TNKS: variants seen among roughly 807,000 people sequenced by gnomAD.
TNKS encodes the protein poly [ADP-ribose] polymerase tankyrase-1.
A neutral mutation model predicts 135.8 loss-of-function variants in TNKS; 72 were observed. That is an observed-to-expected ratio of 0.53 (90% CI 0.44 to 0.64). The LOEUF (loss-of-function observed/expected upper bound fraction) is 0.64. Among genes scored for constraint, TNKS ranks in the 30% least tolerant of loss-of-function variants. The pLI, the probability that TNKS is intolerant of heterozygous loss-of-function variation, is 0.00. For missense variants in TNKS, 1,769 were observed against 1,674.0 expected, an observed-to-expected ratio of 1.06 and a Z score of -0.99; for synonymous variants, 849 against 649.3, an observed-to-expected ratio of 1.31 and a Z score of -4.68.
chr8:9,729,221 C>A (rs1805304082), intron 13 of TNKS, among the ~76,000 whole-genome samples: 1 of 152,196 alleles, frequency 6.6e-6, no homozygotes, highest in Non-Finnish European at 1.5e-5. Context: ...GTCCGCATGA[C>A]CCAGTCACCT....
intron 3 of TNKS, among the ~76,000 whole-genome samples, chr8:9,672,675 A>AAAAAAAAAAACACAC (rs1802337090): frequency 8.2e-6 from 1 of 121,644 alleles, no homozygotes; most frequent in Admixed American, 9.0e-5. Context: ...AAAAAAAAAA[A>AAAAAAAAAAACACAC]ACACATACAC....
intron 9 of TNKS, among the ~76,000 whole-genome samples, chr8:9,708,761 G>C (rs1286184758): frequency 6.6e-6 from 1 of 151,920 alleles, no homozygotes; most frequent in Non-Finnish European, 1.5e-5. Flanking sequence ...TTTGTGGCCA[G>C]TGCTTTCATA....
intron 2 of TNKS, among the ~76,000 whole-genome samples, chr8:9,582,060 A>G (rs541258346): frequency 6.6e-6 from 1 of 152,346 alleles, no homozygotes; most frequent in Non-Finnish European, 1.5e-5. Context: ...TACTCAAAAT[A>G]TAAATGAGGA....
intron 1 of TNKS, among the ~76,000 whole-genome samples, chr8:9,578,741 G>C (rs1288642529): frequency 1.3e-5 from 2 of 151,968 alleles, no homozygotes; most frequent in Non-Finnish European, 2.9e-5. Context: ...TTTTATTTAA[G>C]ATGCCATTTT....
chr8:9,727,651 T>C lies in TNKS; in HGVS notation c.2001+931T>C, dbSNP rs534310730. 5.9e-5 allele frequency among the ~76,000 whole-genome samples: 9 copies of C among 152,374 alleles called. No individual in the cohort carries two copies. The South Asian group carries it at 1.9e-3, about 32-fold the overall frequency. ...ACTCAGTACTTTTTACGACATACTG[T>C]CAACTTTGTCACCTCTTCTTAAGCA... On this transcript the variant is annotated intron_variant, in intron 13 of 26. Coordinates refer to ENST00000310430, the MANE Select transcript of TNKS (RefSeq NM_003747.3).
chr8:9,726,527 T>C, intron 12 of TNKS, 114 bp from the exon 13 acceptor site: 1 of 674,480 alleles, frequency 1.5e-6, no homozygotes, highest in South Asian at 3.0e-5. Context: ...TAAATAATTT[T>C]TCCTCCTGAA....
At chr8:9,723,303 G>A (rs1055271504) in intron 12 of TNKS, among the ~76,000 whole-genome samples, 1 of 151,888 alleles carries the variant, frequency 6.6e-6, no homozygotes, top group African/African-American at 2.4e-5. Flanking sequence ...CCAATATCAG[G>A]TTATATCTAT....
chr8:9,645,990 C>CT (rs1055014780), intron 3 of TNKS, among the ~76,000 whole-genome samples: 3 of 152,160 alleles, frequency 2.0e-5, no homozygotes, highest in African/African-American at 7.2e-5. Context: ...ACCCTCAACC[C>CT]TTCTCAGTTC....
intron 2 of TNKS, among the ~76,000 whole-genome samples, chr8:9,604,624 T>G (rs886547160): frequency 1.3e-5 from 2 of 151,888 alleles, no homozygotes; most frequent in Non-Finnish European, 2.9e-5. Flanking sequence ...GTTCCTAATT[T>G]ATGTGTGAAA....
intron 26 of TNKS, among the ~76,000 whole-genome samples, chr8:9,773,199 A>G (rs1319860639): frequency 6.6e-6 from 1 of 152,158 alleles, no homozygotes; most frequent in Non-Finnish European, 1.5e-5. Context: ...ACAAACACAC[A>G]CTATATACAT....
At chr8:9,577,139 G>T (rs533648376) in intron 1 of TNKS, among the ~76,000 whole-genome samples, 4 of 143,990 alleles carry the variant, frequency 2.8e-5, no homozygotes, top group African/African-American at 1.0e-4. Flanking sequence ...TCTTTGTAAA[G>T]CTTTTAAATG....
chr8:9,610,153 G>A (rs866171339), intron 2 of TNKS, among the ~76,000 whole-genome samples: 38 of 147,478 alleles, frequency 2.6e-4, no homozygotes, highest in African/African-American at 7.9e-4. Flanking sequence ...TACTGCGCCC[G>A]GCCTTGAATT....
At chr8:9,708,760 A>G (rs2128808759) in intron 9 of TNKS, among the ~76,000 whole-genome samples, 1 of 152,202 alleles carries the variant, frequency 6.6e-6, no homozygotes, top group Admixed American at 6.5e-5. Flanking sequence ...TTTTGTGGCC[A>G]GTGCTTTCAT....
At chr8:9,655,337 G>A (rs186997261) in intron 3 of TNKS, among the ~76,000 whole-genome samples, 1 of 152,310 alleles carries the variant, frequency 6.6e-6, no homozygotes, top group Admixed American at 6.5e-5. Context: ...ACAAACAAAA[G>A]GCAGCAGAAA....
At chr8:9,633,321 G>A (rs1192953406) in intron 3 of TNKS, among the ~76,000 whole-genome samples, 3 of 152,138 alleles carry the variant, frequency 2.0e-5, no homozygotes, top group African/African-American at 7.2e-5. Context: ...CTGCCTAAGT[G>A]CCCAAATATA....
chr8:9,710,728 C>G (rs1057338552), intron 11 of TNKS, among the ~76,000 whole-genome samples: 3 of 152,118 alleles, frequency 2.0e-5, no homozygotes, highest in Admixed American at 6.5e-5. Context: ...AACCCCGTCT[C>G]TACTAAAAAT....
intron 17 of TNKS, among the ~76,000 whole-genome samples, chr8:9,744,720 T>A (rs1806148314): frequency 6.6e-6 from 1 of 152,228 alleles, no homozygotes; most frequent in South Asian, 2.1e-4. Flanking sequence ...AAATTCCAGT[T>A]ACTATTTTTG....
intron 2 of TNKS, among the ~76,000 whole-genome samples, chr8:9,585,510 A>G (rs1210623865): frequency 6.6e-6 from 1 of 152,234 alleles, no homozygotes; most frequent in Admixed American, 6.5e-5. Flanking sequence ...TTTTCCAGAA[A>G]GAAGGAATAA....
At chr8:9,610,548 G>C (rs1307829396) in intron 2 of TNKS, among the ~76,000 whole-genome samples, 1 of 152,022 alleles carries the variant, frequency 6.6e-6, no homozygotes, top group African/African-American at 2.4e-5. Flanking sequence ...AGGCTGTACT[G>C]TAGTGAAAGT....
Sources: allele counts gnomAD v4.1 joint callset (sites outside exome capture counted in the v4.1 genomes callset), GRCh38; gene constraint gnomAD v4.1.1; transcripts MANE v1.5; gene names NCBI Gene and HGNC (gene_info 2026-07-23, HGNC 2026-07-21).